The following ACAD11 variants were observed in gnomAD, a reference collection of about 807,000 sequenced individuals.
The protein encoded by ACAD11 is acyl-Coenzyme A dehydrogenase family, member 11.
Under a neutral mutation model 102.2 loss-of-function variants are expected in ACAD11, and 83 were observed. The ratio of observed to expected loss-of-function variants is 0.81; its 90% CI spans 0.68 to 0.97. The LOEUF (loss-of-function observed/expected upper bound fraction) is 0.97, where lower values mean the gene tolerates loss of function less well. Ranked by LOEUF, ACAD11 falls within the 50% of genes least tolerant of loss-of-function variation. The pLI is 0.00. For missense variants in ACAD11, 901 were observed against 951.7 expected (o/e 0.95, Z 0.70); for synonymous variants, 324 against 319.8 (o/e 1.01, Z -0.14).
intron 13 of ACAD11, 74 bp downstream of exon 13, chr3:132,603,146 CTATGTATCA>C: frequency 8.6e-7 from 1 of 1,164,442 alleles, no homozygotes; most frequent in Non-Finnish European, 1.3e-6. Context: ...AAACTGATCA[CTATGTATCA>C]TAGCAATATT....
intron 17 of ACAD11, among the ~76,000 whole-genome samples, chr3:132,571,146 A>C (rs1463200191): frequency 6.6e-6 from 1 of 152,072 alleles, no homozygotes; most frequent in Non-Finnish European, 1.5e-5. Context: ...TTTTCTCCAC[A>C]ACCTCACCAG....
chr3:132,589,424 A>T (rs894419483), intron 13 of ACAD11, among the ~76,000 whole-genome samples: 7 of 152,218 alleles, frequency 4.6e-5, no homozygotes, highest in African/African-American at 1.7e-4. Flanking sequence ...ATATGCAATC[A>T]TGCTTTGATT....
chr3:132,579,191 C>T, intron 14 of ACAD11: 1 of 784,650 alleles, frequency 1.3e-6, no homozygotes, highest in Non-Finnish European at 1.9e-6. Context: ...AACATCTAAT[C>T]ACTTCATTAC....
Position 132,644,907 on chromosome 3 carries a change from G to T in ACAD11, c.150-11C>A. The T allele has an allele frequency of 8.3e-6, 12 of 1,440,496 alleles. No homozygotes were observed. Among genetic ancestry groups the T allele is most frequent in the East Asian group, 2.3e-5 (1 of 43,304 alleles). The allele number at this position is 1,440,496 out of a possible 1,614,324, so 89.2% of individuals were successfully genotyped here. A position where few individuals can be genotyped will look rare whatever the true frequency, so the allele number is the denominator to read the frequency against. ...TTGGACTTTCCTGCTCTAGATAAAA[G>T]TAAAAAAAAAAAAGGTCAATTACAA... is the stretch of plus-strand genomic sequence containing the variant. On this transcript the variant is annotated splice_polypyrimidine_tract_variant and intron_variant, in intron 1 of 19. Coordinates refer to ENST00000264990, the MANE Select transcript of ACAD11 (RefSeq NM_032169.5).
chr3:132,646,028 C>T (rs571125962), intron 1 of ACAD11: 4 of 150,238 alleles, frequency 2.7e-5, no homozygotes, highest in African/African-American at 9.9e-5. Flanking sequence ...GTCGCCCAGG[C>T]TGGAGTGGCG....
chr3:132,636,426 G>A (rs75265262), intron 5 of ACAD11, among the ~76,000 whole-genome samples: 9,691 of 152,076 alleles, frequency 0.064, 977 homozygotes, highest in African/African-American at 0.22. Flanking sequence ...TTATTAATAT[G>A]TATGTGTATT....
At chr3:132,643,538 C>T (rs924690199) in intron 2 of ACAD11, among the ~76,000 whole-genome samples, 5 of 152,154 alleles carry the variant, frequency 3.3e-5, no homozygotes, top group Admixed American at 1.3e-4. Context: ...TGGCCCCAGA[C>T]TCAGGCAATG....
intron 5 of ACAD11, among the ~76,000 whole-genome samples, chr3:132,632,583 AC>A (rs1576607516): frequency 6.6e-6 from 1 of 152,182 alleles, no homozygotes; most frequent in African/African-American, 2.4e-5. Flanking sequence ...TTCCATATGA[AC>A]TTTAAAGCAG....
At chr3:132,569,638 A>G (rs1937321846) in intron 17 of ACAD11, among the ~76,000 whole-genome samples, 1 of 152,206 alleles carries the variant, frequency 6.6e-6, no homozygotes, top group African/African-American at 2.4e-5. Flanking sequence ...CTACTGAACA[A>G]TAAAAATGAA....
At chr3:132,582,385 A>G (rs72628559) in intron 13 of ACAD11, among the ~76,000 whole-genome samples, 17,859 of 151,586 alleles carry the variant, frequency 0.12, 1,561 homozygotes, top group East Asian at 0.53. Context: ...TTGGATGTGG[A>G]GACATGGGAA....
In ACAD11 at chr3:132,569,989, T is replaced by C. The variant is rs141441610; in HGVS notation, c.2001+5783A>G. ...CAAAGGATTCAAGAGATCTATATGTTATTTCTTATACCTGTATGTGAAACT... is the reference window on the plus strand; with the variant it reads ...CAAAGGATTCAAGAGATCTATATGTCATTTCTTATACCTGTATGTGAAACT... On this transcript the variant is annotated intron_variant, in intron 17 of 19. Transcript: ENST00000264990. Among the ~76,000 whole-genome samples the C allele has an allele frequency of 6.9e-4, 105 of 152,314 alleles. 1 individual carries two copies. The highest frequency in any genetic ancestry group is 2.0e-3 in the African/African-American group (82 of 41,560).
At chr3:132,569,486 C>T (rs925404751) in intron 17 of ACAD11, among the ~76,000 whole-genome samples, 10 of 152,084 alleles carry the variant, frequency 6.6e-5, no homozygotes, top group Non-Finnish European at 1.3e-4. Flanking sequence ...CTCTGAGAAA[C>T]GAAAAATTAT....
intron 2 of ACAD11, among the ~76,000 whole-genome samples, chr3:132,644,159 G>A (rs1195554572): frequency 6.6e-6 from 1 of 152,074 alleles, no homozygotes; most frequent in African/African-American, 2.4e-5. Context: ...CCTGGGCCTG[G>A]GAAGCACCTG....
chr3:132,611,593 G>C (rs1379303022), intron 11 of ACAD11, among the ~76,000 whole-genome samples: 1 of 152,082 alleles, frequency 6.6e-6, no homozygotes, highest in Non-Finnish European at 1.5e-5. Context: ...GAGAAACAGA[G>C]AGCCAAATCA....
chr3:132,559,969 G>C (rs527824466), intron 18 of ACAD11, 27 bp from the exon 19 acceptor site: 40 of 1,564,614 alleles, frequency 2.6e-5, no homozygotes, highest in South Asian at 1.1e-4. Context: ...TGAAAAGAAT[G>C]CTTCTTTCTT....
chr3:132,576,486 T>C (rs890816510), intron 16 of ACAD11, among the ~76,000 whole-genome samples: 1 of 152,214 alleles, frequency 6.6e-6, no homozygotes, highest in Non-Finnish European at 1.5e-5. Context: ...TTCTAACTTA[T>C]ATCTAATACT....
At chr3:132,575,725 T>C (rs1014082802) in intron 17 of ACAD11, 47 bp downstream of exon 17, 7 of 1,606,842 alleles carry the variant, frequency 4.4e-6, no homozygotes, top group Middle Eastern at 3.3e-4. Flanking sequence ...TCAATGTTAG[T>C]GTAGTGCACC....
At position 132,639,650 on chromosome 3, in the gene ACAD11, T is replaced by C; in HGVS notation, c.544A>G (p.Thr182Ala). ...GCAGCTTGATATTGCTTTGTCCAGG[T>C]TGATACCTAAAGACATATAAATAAG... ...GAGYCKRQVS[T>A]WTKQYQAAAH... is the part of the protein sequence containing the mutation. Residue 182 changes from threonine to alanine, a missense_variant, in exon 5 of 20, where the codon ACC becomes GCC. Coordinates refer to ENST00000264990, the MANE Select transcript of ACAD11 (RefSeq NM_032169.5). 6.2e-7 allele frequency: 1 copy of C among 1,612,352 alleles called. No individual in the cohort carries two copies. Among genetic ancestry groups the C allele is most frequent in the Non-Finnish European group, 8.5e-7 (1 of 1,179,394 alleles).
chr3:132,583,598 A>C (rs1277086244), intron 13 of ACAD11, among the ~76,000 whole-genome samples: 1 of 151,862 alleles, frequency 6.6e-6, no homozygotes, highest in South Asian at 2.1e-4. Context: ...CTAGCTTTTG[A>C]ATGTGTTTGC....
Sources: gnomAD v4.1 joint callset for allele counts (sites outside exome capture counted in the v4.1 genomes callset) on GRCh38, gnomAD v4.1.1 for gene constraint, MANE v1.5 for transcripts, NCBI Gene and HGNC (gene_info 2026-07-23, HGNC 2026-07-21) for gene names.